NRXN3: variants seen among roughly 807,000 people sequenced by gnomAD.
NRXN3 encodes the protein neurexin III.
A neutral mutation model predicts 137.6 loss-of-function variants in NRXN3; 32 were observed. The observed-to-expected ratio is 0.23, with a 90% CI of 0.18 to 0.31. NRXN3 has a LOEUF of 0.31. NRXN3 is among the 10% of genes least tolerant of loss of function. The probability of loss-of-function intolerance (pLI) is 1.00; values close to 1 mark genes in which losing one functional copy is unlikely to be tolerated. For missense variants in NRXN3, 1,574 were observed against 2,062.5 expected, an observed-to-expected ratio of 0.76 and a Z score of 4.59; for synonymous variants, 798 against 784.5, an observed-to-expected ratio of 1.02 and a Z score of -0.29.
At chr14:78,908,809 T>C (rs1216740608) in intron 10 of NRXN3, among the ~76,000 whole-genome samples, 6 of 152,056 alleles carry the variant, frequency 3.9e-5, no homozygotes, top group Admixed American at 1.3e-4. Context: ...AATGGTGAGA[T>C]CATTGATTCT....
chr14:79,094,333 G>A (rs1657769695), intron 15 of NRXN3, among the ~76,000 whole-genome samples: 1 of 152,142 alleles, frequency 6.6e-6, no homozygotes, highest in Admixed American at 6.6e-5. Flanking sequence ...CCACTCCAAA[G>A]GCAAGGACCA....
intron 2 of NRXN3, among the ~76,000 whole-genome samples, chr14:78,278,161 C>A (rs1205966981): frequency 2.0e-5 from 3 of 152,162 alleles, no homozygotes; most frequent in Admixed American, 6.5e-5. Context: ...TCTTATGCCT[C>A]TTTTGCTTTG....
chr14:78,802,715 G>A (rs1304921790), intron 8 of NRXN3, among the ~76,000 whole-genome samples: 4 of 152,200 alleles, frequency 2.6e-5, no homozygotes, highest in Non-Finnish European at 2.9e-5. Flanking sequence ...GGAGGCCAAG[G>A]TGGGTGGATT....
intron 8 of NRXN3, among the ~76,000 whole-genome samples, chr14:78,777,119 GT>G (rs1567280047): frequency 6.6e-6 from 1 of 152,090 alleles, no homozygotes. Context: ...TCCTGTTGAA[GT>G]TTGAATAAAA....
intron 10 of NRXN3, among the ~76,000 whole-genome samples, chr14:78,907,151 A>T: frequency 6.6e-6 from 1 of 152,038 alleles, no homozygotes; most frequent in East Asian, 1.9e-4. Flanking sequence ...TTACTATTGA[A>T]ATTGGATTGC....
chr14:79,851,060 T>C (rs2099390420), intron 20 of NRXN3, among the ~76,000 whole-genome samples: 1 of 152,196 alleles, frequency 6.6e-6, no homozygotes, highest in South Asian at 2.1e-4. Flanking sequence ...AATTTTGGAA[T>C]AGGTAAATTA....
At chr14:78,191,144 T>G (rs528709394) in intron 1 of NRXN3, among the ~76,000 whole-genome samples, 4 of 152,254 alleles carry the variant, frequency 2.6e-5, no homozygotes, top group Admixed American at 6.5e-5. Flanking sequence ...GAACTGTGTG[T>G]TTCATTACAA....
chr14:78,405,854 C>A (rs1238990688), intron 4 of NRXN3, among the ~76,000 whole-genome samples: 1 of 152,134 alleles, frequency 6.6e-6, no homozygotes, highest in African/African-American at 2.4e-5. Flanking sequence ...ACCCAGGAGT[C>A]CCTGTTCCCC....
chr14:79,773,446 C>G (rs1246850473), intron 19 of NRXN3, among the ~76,000 whole-genome samples: 1 of 151,862 alleles, frequency 6.6e-6, no homozygotes, highest in East Asian at 1.9e-4. Flanking sequence ...TACTATGCAG[C>G]CATAAAAAAG....
chr14:78,950,320 G>A (rs2099384626), intron 10 of NRXN3, among the ~76,000 whole-genome samples: 1 of 152,100 alleles, frequency 6.6e-6, no homozygotes, highest in Non-Finnish European at 1.5e-5. Flanking sequence ...TTGAGGTAGA[G>A]GTTTGGCAAT....
chr14:79,749,049 T>C (rs1038548029), intron 19 of NRXN3, among the ~76,000 whole-genome samples: 1 of 152,084 alleles, frequency 6.6e-6, no homozygotes, highest in African/African-American at 2.4e-5. Flanking sequence ...AGTAAGTCTA[T>C]GGATCTGCTT....
intron 2 of NRXN3, among the ~76,000 whole-genome samples, chr14:78,263,873 TTGTGTGTGTG>T (rs3059009): frequency 0.017 from 2,359 of 135,600 alleles, 23 homozygotes; most frequent in East Asian, 0.038. Flanking sequence ...CAGTTCTATT[TTGTGTGTGTG>T]TGTGTGTGTG....
intron 8 of NRXN3, among the ~76,000 whole-genome samples, chr14:78,763,095 A>G (rs555126952): frequency 9.8e-5 from 15 of 152,346 alleles, no homozygotes; most frequent in Middle Eastern, 6.8e-3. Context: ...AACAAATGGC[A>G]AATTTTATGG....
chr14:78,308,134 G>T (rs186099201), intron 4 of NRXN3, among the ~76,000 whole-genome samples: 5 of 151,740 alleles, frequency 3.3e-5, no homozygotes, highest in Admixed American at 1.3e-4. Context: ...AAATTTGTTC[G>T]ACTAAAGAGC....
At chr14:79,785,853 C>A (rs1023108154) in intron 19 of NRXN3, among the ~76,000 whole-genome samples, 5 of 152,014 alleles carry the variant, frequency 3.3e-5, no homozygotes, top group African/African-American at 1.2e-4. Context: ...ATTGACTGCA[C>A]CATGTTAGTC....
intron 15 of NRXN3, among the ~76,000 whole-genome samples, chr14:79,318,625 T>C (rs1016437700): frequency 1.3e-5 from 2 of 152,180 alleles, no homozygotes; most frequent in Non-Finnish European, 2.9e-5. Flanking sequence ...TGGCGAGTAA[T>C]ATGGGATTTA....
intron 1 of NRXN3, among the ~76,000 whole-genome samples, chr14:78,181,253 G>T (rs1406539845): frequency 1.3e-5 from 2 of 152,202 alleles, no homozygotes; most frequent in African/African-American, 4.8e-5. Context: ...ACGGGTGTCT[G>T]CAGGCCCCAC....
chr14:78,638,796 A>T (rs145963139), intron 4 of NRXN3, among the ~76,000 whole-genome samples: 103 of 152,274 alleles, frequency 6.8e-4, no homozygotes, highest in Non-Finnish European at 1.3e-3. Context: ...AAAATACTCA[A>T]ATTGCTGTTT....
At chr14:78,923,705 G>A (rs374328290) in intron 10 of NRXN3, among the ~76,000 whole-genome samples, 10 of 152,286 alleles carry the variant, frequency 6.6e-5, no homozygotes, top group East Asian at 1.9e-4. Context: ...TGATCTGTGC[G>A]TGTGCCTGAG....
Sources: gnomAD v4.1 joint callset for allele counts (sites outside exome capture counted in the v4.1 genomes callset) on GRCh38, gnomAD v4.1.1 for gene constraint, MANE v1.5 for transcripts, NCBI Gene and HGNC (gene_info 2026-07-23, HGNC 2026-07-21) for gene names.